MEIS1: variants seen among roughly 807,000 people sequenced by gnomAD.
MEIS1 encodes the protein Meis homeobox 1.
MEIS1 carries 5 observed loss-of-function variants against 50.8 expected under a neutral mutation model. The ratio of observed to expected loss-of-function variants is 0.10; its 90% CI spans 0.05 to 0.21. The LOEUF (loss-of-function observed/expected upper bound fraction) is 0.21, where lower values mean the gene tolerates loss of function less well. MEIS1 is among the 10% of genes least tolerant of loss of function. The pLI is 1.00. For synonymous variants in MEIS1, 176 were observed against 179.3 expected (o/e 0.98, Z 0.15); for missense variants, 318 against 517.3 (o/e 0.61, Z 3.74).
chr2:66,498,570 A>G (rs1673467614), intron 7 of MEIS1, among the ~76,000 whole-genome samples: 1 of 152,178 alleles, frequency 6.6e-6, no homozygotes, highest in South Asian at 2.1e-4. Context: ...TTGTTCTGAT[A>G]GGTCAGTTAG....
intron 8 of MEIS1, among the ~76,000 whole-genome samples, chr2:66,547,389 GA>G (rs1388630732): frequency 2.0e-5 from 3 of 152,008 alleles, no homozygotes; most frequent in African/African-American, 7.2e-5. Flanking sequence ...CAACATTGGT[GA>G]ATTTTGTTTT....
intron 8 of MEIS1, among the ~76,000 whole-genome samples, chr2:66,541,031 ATTATTTT>A (rs1268730597): frequency 1.3e-5 from 2 of 151,276 alleles, no homozygotes; most frequent in Non-Finnish European, 2.9e-5. Context: ...ATTTTATTTT[ATTATTTT>A]TTATTTTTTA....
At chr2:66,557,584 C>G (rs542036240) in intron 9 of MEIS1, among the ~76,000 whole-genome samples, 1 of 152,312 alleles carries the variant, frequency 6.6e-6, no homozygotes, top group Non-Finnish European at 1.5e-5. Flanking sequence ...TTGCAAGGTT[C>G]ATCCATGTCA....
intron 7 of MEIS1, among the ~76,000 whole-genome samples, chr2:66,495,107 TTA>T (rs1253923442): frequency 6.5e-5 from 9 of 139,130 alleles, no homozygotes; most frequent in African/African-American, 2.6e-4. Flanking sequence ...TTTTTTTTTT[TTA>T]AACTAAGGAA....
intron 6 of MEIS1, among the ~76,000 whole-genome samples, chr2:66,444,859 C>A (rs1194363425): frequency 6.6e-6 from 1 of 152,136 alleles, no homozygotes; most frequent in Non-Finnish European, 1.5e-5. Context: ...TTACAAGAAT[C>A]GCTTAGGGGC....
intron 8 of MEIS1, among the ~76,000 whole-genome samples, chr2:66,527,718 A>T (rs1339387527): frequency 6.6e-6 from 1 of 151,740 alleles, no homozygotes; most frequent in African/African-American, 2.4e-5. Flanking sequence ...TTGAGGAGAG[A>T]TGGCTAGAAT....
In MEIS1 at chr2:66,527,862, T is replaced by C. The variant is rs373221325; in HGVS notation, c.888+15568T>C. On this transcript the variant is annotated intron_variant, in intron 8 of 12. Coordinates refer to ENST00000272369, the MANE Select transcript of MEIS1 (RefSeq NM_002398.3). The stretch of plus-strand genomic sequence containing the variant: ...TCTAACTTATCTTTGAATTGCAATA[T>C]AAATGGGGTCATTAAAAGTTTTTTC... Among the ~76,000 whole-genome samples the C allele has an allele frequency of 9.5e-4, 144 of 152,268 alleles. No individual in the cohort carries two copies. The Middle Eastern group carries it at 0.014, about 14-fold the overall frequency.
intron 6 of MEIS1, among the ~76,000 whole-genome samples, chr2:66,457,363 G>C (rs1407578035): frequency 1.3e-5 from 2 of 151,934 alleles, no homozygotes; most frequent in African/African-American, 4.8e-5. Flanking sequence ...ATACAAATGT[G>C]AGCCACCAAG....
rs532443345 is a variant in MEIS1, at chr2:66,568,595, T to C, written c.1025-72T>C. The stretch of plus-strand genomic sequence containing the variant: ...TCTCTTTCTCTGGTATGTTCTCCTC[T>C]TAGTCTCTCTTGGGCTATTTCTTTT... On this transcript the variant is annotated intron_variant, in intron 10 of 12. Transcript: ENST00000272369. The C allele has an allele frequency of 4.0e-5, 45 of 1,133,954 alleles. 1 individual carries two copies. The Admixed American group carries it at 4.8e-4, about 12-fold the overall frequency. 70.2% of individuals were successfully genotyped at this position (1,133,954 alleles called of 1,614,324 possible).
chr2:66,521,157 T>A (rs1335662266), intron 8 of MEIS1, among the ~76,000 whole-genome samples: 3 of 152,242 alleles, frequency 2.0e-5, no homozygotes, highest in Admixed American at 2.0e-4. Context: ...GTTGATATTT[T>A]GTGACAATCT....
intron 9 of MEIS1, among the ~76,000 whole-genome samples, chr2:66,556,318 T>C (rs1353140942): frequency 6.6e-6 from 1 of 152,192 alleles, no homozygotes; most frequent in African/African-American, 2.4e-5. Flanking sequence ...CCCTCTTAAC[T>C]AACCAGTGCC....
intron 7 of MEIS1, among the ~76,000 whole-genome samples, chr2:66,495,080 CTTTTTTTTTTTTTTT>C (rs70943701): frequency 1.2e-4 from 11 of 91,492 alleles, no homozygotes; most frequent in Non-Finnish European, 1.6e-4. Flanking sequence ...CTCTTCTGAC[CTTTTTTTTTTTTTTT>C]TTTTTTTTTT....
intron 7 of MEIS1, among the ~76,000 whole-genome samples, chr2:66,494,111 T>A (rs1673338314): frequency 1.3e-5 from 2 of 149,280 alleles, no homozygotes; most frequent in African/African-American, 5.1e-5. Context: ...ATCAGTTCAC[T>A]TGTGACAAAA....
intron 7 of MEIS1, among the ~76,000 whole-genome samples, chr2:66,471,780 G>A (rs768635280): frequency 2.0e-5 from 3 of 152,120 alleles, no homozygotes; most frequent in Non-Finnish European, 2.9e-5. Context: ...AAGGGCATTC[G>A]CTTTTCAGTG....
At position 66,567,453 on chromosome 2, in the gene MEIS1, G is replaced by T. The variant is rs1675376845; in HGVS notation, c.966G>T (p.Trp322Cys). ...ATTTGTTTCACTTTCTTGGTTACAG[G>T]TTTATTAATGCCCGGAGAAGAATAG... ...TGLTILQVNN[W>C]FINARRRIVQ... Residue 322 changes from tryptophan to cysteine, a missense_variant and splice_region_variant, in exon 10 of 13, where the codon TGG becomes TGT. By Grantham distance (215) the Trp-to-Cys change is radical. Coordinates refer to ENST00000272369, the MANE Select transcript of MEIS1 (RefSeq NM_002398.3). 1 of 1,613,534 alleles carries T rather than the reference G, an allele frequency of 6.2e-7. No individual in the cohort carries two copies. The highest frequency in any genetic ancestry group is 1.3e-5 in the African/African-American group (1 of 74,828).
chr2:66,555,012 C>T (rs1194082449), intron 9 of MEIS1, among the ~76,000 whole-genome samples: 2 of 152,130 alleles, frequency 1.3e-5, no homozygotes, highest in Admixed American at 6.5e-5. Context: ...ATAATAGGCT[C>T]GAAATTTCTG....
chr2:66,544,784 GACAGA>G (rs1427301214), intron 8 of MEIS1, among the ~76,000 whole-genome samples: 2 of 151,816 alleles, frequency 1.3e-5, no homozygotes, highest in African/African-American at 2.4e-5. Flanking sequence ...CATGAAAAGT[GACAGA>G]GGAAAAAAAG....
intron 7 of MEIS1, among the ~76,000 whole-genome samples, chr2:66,495,113 T>G (rs1031987872): frequency 2.0e-4 from 20 of 99,038 alleles, no homozygotes; most frequent in African/African-American, 7.2e-4. Context: ...TTTTTTAAAC[T>G]AAGGAAAAGA....
intron 9 of MEIS1, among the ~76,000 whole-genome samples, chr2:66,552,139 A>T (rs1359113130): frequency 6.6e-6 from 1 of 152,096 alleles, no homozygotes; most frequent in Non-Finnish European, 1.5e-5. Flanking sequence ...ATGGTCAGAT[A>T]AAAATTCCCT....
Sources: gnomAD v4.1 joint callset for allele counts (sites outside exome capture counted in the v4.1 genomes callset) on GRCh38, gnomAD v4.1.1 for gene constraint, MANE v1.5 for transcripts, NCBI Gene and HGNC (gene_info 2026-07-23, HGNC 2026-07-21) for gene names.